The following TNFRSF9 variants were observed in gnomAD, a reference collection of about 807,000 sequenced individuals.
TNFRSF9 encodes the protein tumor necrosis factor receptor superfamily member 9.
Under a neutral mutation model 28.8 loss-of-function variants are expected in TNFRSF9, and 16 were observed. That is an observed-to-expected ratio of 0.55 (90% CI 0.38 to 0.84). The LOEUF (loss-of-function observed/expected upper bound fraction) is 0.84, where lower values mean the gene tolerates loss of function less well. Ranked by LOEUF, TNFRSF9 falls within the 40% of genes least tolerant of loss-of-function variation. The pLI, the probability that TNFRSF9 is intolerant of heterozygous loss-of-function variation, is 0.00. For synonymous variants in TNFRSF9, 131 were observed against 117.0 expected (o/e 1.12, Z -0.77); for missense variants, 303 against 315.0 (o/e 0.96, Z 0.29).
At chr1:7,924,581 C>T (rs61772675) in intron 7 of TNFRSF9, among the ~76,000 whole-genome samples, 8 of 151,970 alleles carry the variant, frequency 5.3e-5, no homozygotes, top group African/African-American at 1.2e-4. Context: ...GAGCCGAGAC[C>T]GCCCCATTGC....
intron 7 of TNFRSF9, among the ~76,000 whole-genome samples, chr1:7,925,974 C>T (rs1454485194): frequency 6.6e-6 from 1 of 152,220 alleles, no homozygotes. Flanking sequence ...GATCTCGGCT[C>T]ACTGCAACCT....
At chr1:7,935,912 A>G (rs1460149887) in intron 5 of TNFRSF9, among the ~76,000 whole-genome samples, 2 of 152,202 alleles carry the variant, frequency 1.3e-5, no homozygotes, top group East Asian at 3.8e-4. Flanking sequence ...AGAGTCAGTG[A>G]CACACTCTTG....
intron 7 of TNFRSF9, among the ~76,000 whole-genome samples, chr1:7,922,303 C>G (rs1639571706): frequency 6.6e-6 from 1 of 152,156 alleles, no homozygotes; most frequent in Non-Finnish European, 1.5e-5. Flanking sequence ...GAGATCTCTT[C>G]TGGAAAGATT....
intron 6 of TNFRSF9, among the ~76,000 whole-genome samples, chr1:7,933,911 G>A (rs1639775606): frequency 6.6e-6 from 1 of 152,046 alleles, no homozygotes; most frequent in African/African-American, 2.4e-5. Context: ...CAGCTACTCA[G>A]GAGGCTGAGT....
rs1169008458 is a variant in TNFRSF9 at position 7,919,179 on chromosome 1, A to C, written c.*1656T>G. 1 of 152,138 alleles carries C rather than the reference A, an allele frequency of 6.6e-6. No individual in the cohort carries two copies. The highest frequency in any genetic ancestry group is 1.5e-5 in the Non-Finnish European group (1 of 68,022). 9.4% of individuals were successfully genotyped at this position (152,138 alleles called of 1,614,324 possible). The stretch of plus-strand genomic sequence containing the variant: ...CCCAGAGTAAAATAACATGGGACAG[A>C]GGCACGCAAGCTTGCAATAGGCATG... On this transcript the variant is annotated 3_prime_UTR_variant, in exon 8 of 8. Coordinates refer to ENST00000377507, the MANE Select transcript of TNFRSF9 (RefSeq NM_001561.6).
At position 7,936,860 on chromosome 1, in the gene TNFRSF9, T is replaced by A. The variant is rs1639823321; in HGVS notation, c.413+830A>T. On this transcript the variant is annotated intron_variant, in intron 5 of 7. Coordinates refer to ENST00000377507, the MANE Select transcript of TNFRSF9 (RefSeq NM_001561.6). ...TGTTTACTCTCTAACCCTACACCAC[T>A]GTCGATGGGGACACAGGACAAGCCA... 2.6e-5 allele frequency among the ~76,000 whole-genome samples: 4 copies of A among 152,254 alleles called. No individual in the cohort carries two copies. In the South Asian group the frequency reaches 8.3e-4, roughly 32 times the overall value.
chr1:7,925,743 T>C (rs1309139767), intron 7 of TNFRSF9, among the ~76,000 whole-genome samples: 1 of 152,122 alleles, frequency 6.6e-6, no homozygotes, highest in Non-Finnish European at 1.5e-5. Flanking sequence ...GCAACCTCGA[T>C]CCCTCGTATG....
chr1:7,934,908 C>G, intron 6 of TNFRSF9, 105 bp downstream of exon 6: 2 of 1,451,116 alleles, frequency 1.4e-6, no homozygotes, highest in South Asian at 2.6e-5. Flanking sequence ...GAAGAATGCA[C>G]GTGGGAGGTG....
intron 7 of TNFRSF9, 105 bp downstream of exon 7, chr1:7,933,057 G>T: frequency 7.2e-7 from 1 of 1,385,916 alleles, no homozygotes; most frequent in Non-Finnish European, 9.7e-7. Context: ...TAGCCACGGG[G>T]CTATATGAAC....
chr1:7,933,973 C>T (rs978208005), intron 6 of TNFRSF9, among the ~76,000 whole-genome samples: 12 of 151,662 alleles, frequency 7.9e-5, no homozygotes, highest in South Asian at 2.1e-4. Context: ...GCCGAGATTG[C>T]GCCATTGCAC....
At chr1:7,922,908 C>CT (rs749135432) in intron 7 of TNFRSF9, among the ~76,000 whole-genome samples, 12,834 of 137,774 alleles carry the variant, frequency 0.093, 1,443 homozygotes, top group East Asian at 0.52. Context: ...TTTTTTTTTT[C>CT]TTTTTTTTTT....
rs548297765 is a variant in TNFRSF9 at position 7,916,974 on chromosome 1, G to A, written c.*3861C>T. 95 of 152,248 alleles carry A rather than the reference G, an allele frequency of 6.2e-4. No homozygotes were observed. Among genetic ancestry groups the A allele is most frequent in the African/African-American group, 2.2e-3 (91 of 41,544 alleles). The allele number at this position is 152,248 out of a possible 1,614,324, so 9.4% of individuals were successfully genotyped here. A position where few individuals can be genotyped will look rare whatever the true frequency, so the allele number is the denominator to read the frequency against. On this transcript the variant is annotated 3_prime_UTR_variant, in exon 8 of 8. Transcript: ENST00000377507. ...AGACAGAGTTTCGCTCTGTCACCCAGGCTGGAGTGCAATGGTACGATCTCG... is the reference window on the plus strand; with the variant it reads ...AGACAGAGTTTCGCTCTGTCACCCAAGCTGGAGTGCAATGGTACGATCTCG...
chr1:7,937,840 C>A lies in TNFRSF9; in HGVS notation c.347-84G>T. On this transcript the variant is annotated intron_variant, in intron 4 of 7. Transcript: ENST00000377507. ...TTCCTGTGATGAACTTAATATAAGT[C>A]ATTACCATAATGCAATCTGCACAAA... The A allele has an allele frequency of 2.5e-6, 3 of 1,208,110 alleles. No individual in the cohort carries two copies. The South Asian group carries it at 3.8e-5, about 15-fold the overall frequency. The allele number at this position is 1,208,110 out of a possible 1,614,324, so 74.8% of individuals were successfully genotyped here.
intron 7 of TNFRSF9, among the ~76,000 whole-genome samples, chr1:7,932,734 T>TACAC (rs3841802): frequency 1.1e-3 from 156 of 148,326 alleles, no homozygotes; most frequent in African/African-American, 3.2e-3. Flanking sequence ...CACACACACA[T>TACAC]ACACACACAC....
intron 7 of TNFRSF9, among the ~76,000 whole-genome samples, chr1:7,923,051 C>T (rs1006169699): frequency 2.6e-5 from 4 of 151,538 alleles, no homozygotes; most frequent in South Asian, 2.1e-4. Context: ...TACAGGTGCC[C>T]GCCACCAGGC....
At chr1:7,923,683 TA>T (rs1639595945) in intron 7 of TNFRSF9, among the ~76,000 whole-genome samples, 1 of 151,978 alleles carries the variant, frequency 6.6e-6, no homozygotes, top group Admixed American at 6.6e-5. Flanking sequence ...ACAAAACATT[TA>T]AAAATTAGCC....
intron 6 of TNFRSF9, 56 bp from the exon 7 acceptor site, chr1:7,933,352 C>T (rs1448733508): frequency 6.4e-7 from 1 of 1,554,834 alleles, no homozygotes; most frequent in Non-Finnish European, 8.7e-7. Flanking sequence ...CACTCATACA[C>T]CCATGTATAT....
chr1:7,930,300 C>A (rs1311705175), intron 7 of TNFRSF9, among the ~76,000 whole-genome samples: 3 of 152,068 alleles, frequency 2.0e-5, no homozygotes, highest in Non-Finnish European at 4.4e-5. Flanking sequence ...GGAATCGAAC[C>A]CGGGTCGTGA....
intron 7 of TNFRSF9, among the ~76,000 whole-genome samples, chr1:7,925,139 C>T (rs569154875): frequency 3.8e-4 from 57 of 151,986 alleles, no homozygotes; most frequent in African/African-American, 1.3e-3. Flanking sequence ...CATGGTGAAA[C>T]CCCATCTCTA....
Sources: gnomAD v4.1 joint callset for allele counts (sites outside exome capture counted in the v4.1 genomes callset) on GRCh38, gnomAD v4.1.1 for gene constraint, MANE v1.5 for transcripts, NCBI Gene and HGNC (gene_info 2026-07-23, HGNC 2026-07-21) for gene names.